Variants in TLN2 observed in about 807,000 individuals in gnomAD.
TLN2 encodes talin 2.
In TLN2, 118 loss-of-function variants were observed where a neutral mutation model predicts 294.7. That is an observed-to-expected ratio of 0.40 (90% confidence interval 0.34 to 0.47). TLN2 has a LOEUF of 0.47. Among genes scored for constraint, TLN2 ranks in the 20% least tolerant of loss-of-function variants. The probability of loss-of-function intolerance (pLI) is 0.84; values close to 1 mark genes in which losing one functional copy is unlikely to be tolerated. For missense variants in TLN2, 3,083 were observed against 3,282.2 expected, an observed-to-expected ratio of 0.94 and a Z score of 1.48; for synonymous variants, 1,431 against 1,304.5, an observed-to-expected ratio of 1.10 and a Z score of -2.09.
rs1567569994 is a variant in TLN2 at position 62,771,134 on chromosome 15, G to GGT, written c.5367+1_5367+2dup. The GGT allele has an allele frequency of 1.9e-6, 3 of 1,606,996 alleles. No individual in the cohort carries two copies. Among genetic ancestry groups the GGT allele is most frequent in the Non-Finnish European group, 1.7e-6 (2 of 1,175,620 alleles). ...CCAAAGAAGGTGGCGGAAACCCCAA[G>GGT]GTATGGTCCAGGATATCGGGGACTC... is the stretch of plus-strand genomic sequence containing the variant. On this transcript the variant is annotated frameshift_variant and splice_region_variant. Transcript: ENST00000636159. LOFTEE classifies it high-confidence loss of function.
chr15:62,441,936 A>G (rs1054248597), intron 1 of TLN2, among the ~76,000 whole-genome samples: 44 of 152,260 alleles, frequency 2.9e-4, no homozygotes, highest in African/African-American at 1.0e-3. Flanking sequence ...CCTCGCCCTA[A>G]GCATCTCTTC....
rs189578421 is a variant in TLN2, at chr15:62,616,770, A to T, written c.-161-1581A>T. ...TGTCTCTTTGCTTCTTAACATCATT[A>T]TATTCAACCTTTACTTTAAAAAAGT... On this transcript the variant is annotated intron_variant, in intron 2 of 58. Coordinates refer to ENST00000636159, the MANE Select transcript of TLN2 (RefSeq NM_015059.3). Among the ~76,000 whole-genome samples the T allele has an allele frequency of 6.5e-4, 99 of 152,332 alleles. 1 individual carries two copies. In the East Asian group the frequency reaches 0.017, roughly 26 times the overall value.
intron 1 of TLN2, among the ~76,000 whole-genome samples, chr15:62,504,820 T>G (rs867927395): frequency 2.4e-5 from 3 of 127,284 alleles, no homozygotes; most frequent in East Asian, 2.1e-4. Flanking sequence ...GTTGGTGGGG[T>G]GTGTGTGTGT....
intron 42 of TLN2, among the ~76,000 whole-genome samples, chr15:62,772,415 G>C (rs927274107): frequency 6.6e-6 from 1 of 152,070 alleles, no homozygotes; most frequent in Non-Finnish European, 1.5e-5. Context: ...GTGGTGGAAT[G>C]GAGTGAGAAA....
At chr15:62,518,019 G>C (rs2040266621) in intron 1 of TLN2, among the ~76,000 whole-genome samples, 1 of 151,158 alleles carries the variant, frequency 6.6e-6, no homozygotes, top group Non-Finnish European at 1.5e-5. Context: ...CATAGTAAAT[G>C]CTCATTAAAT....
intron 9 of TLN2, among the ~76,000 whole-genome samples, chr15:62,662,987 C>A (rs549095608): frequency 1.1e-4 from 16 of 152,042 alleles, no homozygotes; most frequent in African/African-American, 3.1e-4. Context: ...CCACGCCCGG[C>A]TAATTTTTTG....
At chr15:62,823,639 AAGG>A (rs2067773918) in intron 54 of TLN2, among the ~76,000 whole-genome samples, 1 of 152,198 alleles carries the variant, frequency 6.6e-6, no homozygotes, top group Non-Finnish European at 1.5e-5. Flanking sequence ...CCTGTTTTTA[AAGG>A]AGAATGGCTC....
chr15:62,686,361 A>G (rs938648939), intron 11 of TLN2, among the ~76,000 whole-genome samples: 3 of 152,104 alleles, frequency 2.0e-5, no homozygotes, highest in African/African-American at 7.2e-5. Flanking sequence ...TTTCAGTTCT[A>G]TCCCATCTTT....
In TLN2 at chr15:62,833,543, G is replaced by C; in HGVS notation, c.7042G>C (p.Glu2348Gln). 1 of 1,614,146 alleles carries C rather than the reference G, an allele frequency of 6.2e-7. No homozygotes were observed. The highest frequency in any genetic ancestry group is 8.5e-7 in the Non-Finnish European group (1 of 1,180,028). The change falls in exon 55 of 59, where the codon GAA becomes CAA. Residue 2348 changes from glutamate (E) to glutamine (Q), a missense_variant. Glu to Gln is a conservative substitution (Grantham distance 29). Transcript: ENST00000636159. ...ETLDFEEQILEAAKSIAAATS... is the reference protein window; with the variant it reads ...ETLDFEEQILQAAKSIAAATS... Reference sequence around the variant, plus strand: ...CCTGGACTTTGAGGAACAGATCTTGGAAGCTGCTAAATCCATTGCTGCTGC... The same window carrying C: ...CCTGGACTTTGAGGAACAGATCTTGCAAGCTGCTAAATCCATTGCTGCTGC...
At chr15:62,553,528 A>G (rs1388783576) in intron 1 of TLN2, among the ~76,000 whole-genome samples, 1 of 152,196 alleles carries the variant, frequency 6.6e-6, no homozygotes, top group African/African-American at 2.4e-5. Context: ...CATGTTAGAG[A>G]AAATTCAAAT....
intron 41 of TLN2, among the ~76,000 whole-genome samples, chr15:62,769,025 T>TCATGGCCCAGCCATGCTACCTC (rs2063189136): frequency 6.6e-6 from 1 of 152,238 alleles, no homozygotes; most frequent in Non-Finnish European, 1.5e-5. Context: ...CTGAAGTCCT[T>TCATGGCCCAGCCATGCTACCTC]CATGGCCCAG....
chr15:62,583,367 G>C (rs956651098), intron 1 of TLN2, among the ~76,000 whole-genome samples: 8 of 152,168 alleles, frequency 5.3e-5, no homozygotes, highest in Non-Finnish European at 1.0e-4. Flanking sequence ...TTGAATGTTA[G>C]TTAATTAGAC....
rs2053164953 is a variant in TLN2, at chr15:62,655,973, A to C, written c.547A>C (p.Arg183=). 6.2e-7 allele frequency: 1 copy of C among 1,614,242 alleles called. No homozygotes were observed. Among genetic ancestry groups the C allele is most frequent in the Non-Finnish European group, 8.5e-7 (1 of 1,180,040 alleles). ...LNWLDHSRTF[R]EQGVDENETL... ...TTGGCTGGATCACAGCCGAACATTC[A>C]GAGAACAAGGAGTAGATGAAAACGA... Residue 183 remains arginine (R), a synonymous_variant, in exon 8 of 59, where the codon AGA becomes CGA. Coordinates refer to ENST00000636159, the MANE Select transcript of TLN2 (RefSeq NM_015059.3).
At chr15:62,426,327 G>GC (rs1391611948) in intron 1 of TLN2, among the ~76,000 whole-genome samples, 1 of 152,170 alleles carries the variant, frequency 6.6e-6, no homozygotes, top group Non-Finnish European at 1.5e-5. Flanking sequence ...CATTTATTAG[G>GC]CCCTATACCA....
chr15:62,467,593 G>C (rs907769523), intron 1 of TLN2, among the ~76,000 whole-genome samples: 1 of 152,184 alleles, frequency 6.6e-6, no homozygotes, highest in Non-Finnish European at 1.5e-5. Flanking sequence ...TCGAGAGACT[G>C]AGGCAGGAGA....
At chr15:62,688,307 GT>G (rs1289698096) in intron 12 of TLN2, among the ~76,000 whole-genome samples, 6 of 152,008 alleles carry the variant, frequency 3.9e-5, no homozygotes, top group Non-Finnish European at 8.8e-5. Flanking sequence ...GTGTTTAGAG[GT>G]TTTTCTGCTG....
At chr15:62,512,382 T>C (rs1422594732) in intron 1 of TLN2, among the ~76,000 whole-genome samples, 1 of 152,178 alleles carries the variant, frequency 6.6e-6, no homozygotes, top group Non-Finnish European at 1.5e-5. Flanking sequence ...TTCCTTTCTT[T>C]GTTTAACCTT....
intron 41 of TLN2, 144 bp from the exon 42 acceptor site, chr15:62,770,820 T>C: frequency 1.0e-6 from 1 of 967,834 alleles, no homozygotes; most frequent in Non-Finnish European, 1.5e-6. Flanking sequence ...TAGCAAGCAC[T>C]TTCAGCAGTA....
chr15:62,489,978 G>GCT (rs1277994013), intron 1 of TLN2, among the ~76,000 whole-genome samples: 1 of 152,144 alleles, frequency 6.6e-6, no homozygotes, highest in Non-Finnish European at 1.5e-5. Context: ...TAGTTATGCC[G>GCT]CTCTCAAATT....
Sources: allele counts gnomAD v4.1 joint callset (sites outside exome capture counted in the v4.1 genomes callset), GRCh38; gene constraint gnomAD v4.1.1; transcripts MANE v1.5; gene names NCBI Gene and HGNC (gene_info 2026-07-23, HGNC 2026-07-21).